ZNF585A: variants seen among roughly 807,000 people sequenced by gnomAD.
ZNF585A encodes the protein zinc finger protein 585A.
A neutral mutation model predicts 14.9 loss-of-function variants in ZNF585A; 9 were observed. The ratio of observed to expected loss-of-function variants is 0.60; its 90% CI spans 0.36 to 1.05. ZNF585A has a LOEUF of 1.05. Ranked by LOEUF, ZNF585A falls within the 50% of genes least tolerant of loss-of-function variation. The pLI is 0.01. For synonymous variants in ZNF585A, 276 were observed against 319.9 expected, an observed-to-expected ratio of 0.86 and a Z score of 1.46; for missense variants, 726 against 926.4, an observed-to-expected ratio of 0.78 and a Z score of 2.81.
In ZNF585A at chr19:37,152,432, T is replaced by C; in HGVS notation, c.1467A>G (p.Thr489=). 6.2e-7 allele frequency: 1 copy of C among 1,614,016 alleles called. No homozygotes were observed. The highest frequency in any genetic ancestry group is 8.5e-7 in the Non-Finnish European group (1 of 1,179,990). Reference sequence around the variant, plus strand: ...TGGAACATATATAAGATTTCTCTCCTGTATGAGTTTTCTGATGTGTAATGA... The same window carrying C: ...TGGAACATATATAAGATTTCTCTCCCGTATGAGTTTTCTGATGTGTAATGA... ...SNLITHQKTH[T]GEKSYICSKC... Residue 489 remains threonine, a synonymous_variant, in exon 5 of 5, where the codon ACA becomes ACG. Coordinates refer to ENST00000292841, the MANE Select transcript of ZNF585A (RefSeq NM_001288800.2).
intron 2 of ZNF585A, chr19:37,165,547 G>A: frequency 1.8e-5 from 13 of 718,460 alleles, no homozygotes; most frequent in Non-Finnish European, 2.2e-5. Flanking sequence ...TTTGGAGTGG[G>A]TTGCTGAGAA....
rs1466919927 is a variant in ZNF585A, at chr19:37,152,684, T to C, written c.1215A>G (p.Thr405=). 3 of 1,613,902 alleles carry C rather than the reference T, an allele frequency of 1.9e-6. No homozygotes were observed. The highest frequency in any genetic ancestry group is 2.5e-6 in the Non-Finnish European group (3 of 1,179,900). Residue 405 remains threonine (T), a synonymous_variant, in exon 5 of 5, where the codon ACA becomes ACG. Coordinates refer to ENST00000292841, the MANE Select transcript of ZNF585A (RefSeq NM_001288800.2). ...SALTVHQRIH[T]GEKSYICMKC... is the part of the protein sequence containing the mutation. ...TCATGCATATATACGATTTTTCTCC[T>C]GTATGAATTCTCTGATGCACTGTGA...
At chr19:37,164,789 A>G (rs893436626) in intron 2 of ZNF585A, among the ~76,000 whole-genome samples, 3 of 152,026 alleles carry the variant, frequency 2.0e-5, no homozygotes, top group African/African-American at 7.2e-5. Flanking sequence ...CTCCAATCTC[A>G]GCCTCCCAAG....
At position 37,149,458 on chromosome 19, in the gene ZNF585A, T is replaced by C. The variant is rs1195229679; in HGVS notation, c.*2131A>G. On this transcript the variant is annotated 3_prime_UTR_variant, in exon 5 of 5. Transcript: ENST00000292841. ...TGTTTCCCTTCATGAGGCTTGGGCA[T>C]ACAGAGGATAGTCAGATGCTTATGT... 4 of 152,216 alleles carry C rather than the reference T, an allele frequency of 2.6e-5. No homozygotes were observed. Among genetic ancestry groups the C allele is most frequent in the African/African-American group, 9.6e-5 (4 of 41,454 alleles). The allele number at this position is 152,216 out of a possible 1,614,324, so 9.4% of individuals were successfully genotyped here.
intron 4 of ZNF585A, among the ~76,000 whole-genome samples, chr19:37,155,208 C>T (rs112028286): frequency 0.11 from 16,060 of 151,236 alleles, 1,554 homozygotes; most frequent in African/African-American, 0.26. Flanking sequence ...CACCGTGGTC[C>T]CGATCTCCTG....
Position 37,151,041 on chromosome 19 carries a change from G to A in ZNF585A, c.*548C>T, listed in dbSNP as rs1168690968. The A allele has an allele frequency of 4.1e-6, 1 of 244,436 alleles. No individual in the cohort carries two copies. Among genetic ancestry groups the A allele is most frequent in the South Asian group, 1.8e-4 (1 of 5,664 alleles). 15.1% of individuals were successfully genotyped at this position (244,436 alleles called of 1,614,324 possible). A position where few individuals can be genotyped will look rare whatever the true frequency, so the allele number is the denominator to read the frequency against. ...AAGGTTTTTTCTTTTTTTTTTTGTA[G>A]CATCTCTTTCTTGATAGAAATACTG... is the stretch of plus-strand genomic sequence containing the variant. On this transcript the variant is annotated 3_prime_UTR_variant, in exon 5 of 5. Coordinates refer to ENST00000292841, the MANE Select transcript of ZNF585A (RefSeq NM_001288800.2).
At chr19:37,153,880 C>A (rs9676697) in intron 4 of ZNF585A, among the ~76,000 whole-genome samples, 3,701 of 152,192 alleles carry the variant, frequency 0.024, 87 homozygotes, top group African/African-American at 0.062. Flanking sequence ...TTTATTTTCT[C>A]TGCTGATAGC....
chr19:37,145,558 A>G lies in ZNF585A; in HGVS notation c.*6031T>C, dbSNP rs1971732451. 1 of 152,238 alleles carries G rather than the reference A, an allele frequency of 6.6e-6. No homozygotes were observed. The highest frequency in any genetic ancestry group is 2.1e-4 in the South Asian group (1 of 4,834). 9.4% of individuals were successfully genotyped at this position (152,238 alleles called of 1,614,324 possible). On this transcript the variant is annotated 3_prime_UTR_variant, in exon 5 of 5. Coordinates refer to ENST00000292841, the MANE Select transcript of ZNF585A (RefSeq NM_001288800.2). ...CCATGGGTTTTCAGGATTGGCATTT[A>G]TTATAGGCACAAACTTAATATAACT...
chr19:37,160,178 C>T (rs1406754844), intron 2 of ZNF585A, among the ~76,000 whole-genome samples: 1 of 151,436 alleles, frequency 6.6e-6, no homozygotes, highest in African/African-American at 2.4e-5. Context: ...ATCAATAATA[C>T]AAAAATTAGC....
intron 2 of ZNF585A, among the ~76,000 whole-genome samples, chr19:37,161,285 C>A (rs1041041686): frequency 7.2e-5 from 11 of 152,078 alleles, no homozygotes; most frequent in Non-Finnish European, 1.0e-4. Flanking sequence ...GAATCACGTA[C>A]CACAATAAAC....
chr19:37,151,692 T>G lies in ZNF585A; in HGVS notation c.2207A>C (p.His736Pro), dbSNP rs1459032869. The part of the protein sequence containing the change: ...AFTDRSNLNK[H>P]QTTHTGDKPY... ...TTTGTCTCCAGTGTGTGTTGTCTGA[T>G]GTTTATTCAAATTGGACCTGTCAGT... The change falls in exon 5 of 5, where the codon CAT (histidine) becomes CCT (proline). Residue 736 changes from histidine (H) to proline (P), a missense_variant. Transcript: ENST00000292841. 6.2e-7 allele frequency: 1 copy of G among 1,614,236 alleles called. No individual in the cohort carries two copies. Among genetic ancestry groups the G allele is most frequent in the South Asian group, 1.1e-5 (1 of 91,086 alleles).
At chr19:37,164,657 C>T (rs1972060308) in intron 2 of ZNF585A, among the ~76,000 whole-genome samples, 1 of 152,136 alleles carries the variant, frequency 6.6e-6, no homozygotes, top group Admixed American at 6.5e-5. Flanking sequence ...TTCTCCAATG[C>T]TGCAATCCTA....
At chr19:37,166,632 G>A (rs1972095140) in intron 2 of ZNF585A, among the ~76,000 whole-genome samples, 1 of 151,448 alleles carries the variant, frequency 6.6e-6, no homozygotes. Flanking sequence ...TGATTATGTA[G>A]ATATTTACTC....
At position 37,152,367 on chromosome 19, in the gene ZNF585A, G is replaced by A. The variant is rs1324396558; in HGVS notation, c.1532C>T (p.Thr511Ile). ...CTCCCCAGTATGGATTCTCTGATGTGTAATCAAGTCTGACCTCTGGGTGAA... is the reference window on the plus strand; with the variant it reads ...CTCCCCAGTATGGATTCTCTGATGTATAATCAAGTCTGACCTCTGGGTGAA... The part of the protein sequence containing the change: ...KAFTQRSDLI[T>I]HQRIHTGEKP... Residue 511 changes from threonine to isoleucine, a missense_variant, in exon 5 of 5, where the codon ACA becomes ATA. By Grantham distance (89) the Thr-to-Ile change is moderately conservative. Around this residue, in one of 2 missense-constraint regions of ZNF585A, gnomAD observed 243 missense variants for 383.6 expected, o/e 0.63. Coordinates refer to ENST00000292841, the MANE Select transcript of ZNF585A (RefSeq NM_001288800.2). 2 of 1,613,828 alleles carry A rather than the reference G, an allele frequency of 1.2e-6. No homozygotes were observed. Among genetic ancestry groups the A allele is most frequent in the Admixed American group, 3.3e-5 (2 of 59,982 alleles).
chr19:37,169,794 A>G (rs773900907), intron 2 of ZNF585A, 45 bp downstream of exon 2: 7 of 1,602,330 alleles, frequency 4.4e-6, no homozygotes. Context: ...AGAGATACCT[A>G]GTCCTGGATT....
In ZNF585A at chr19:37,163,734, A is replaced by G. The variant is rs547317781; in HGVS notation, c.72+6105T>C. Reference sequence around the variant, plus strand: ...TTAGTTCAAGAAGTTAACATCATAAAGATGACACACACACACACACACACA... The same window carrying G: ...TTAGTTCAAGAAGTTAACATCATAAGGATGACACACACACACACACACACA... On this transcript the variant is annotated intron_variant, in intron 2 of 4. Coordinates refer to ENST00000292841, the MANE Select transcript of ZNF585A (RefSeq NM_001288800.2). 4.1e-5 allele frequency among the ~76,000 whole-genome samples: 6 copies of G among 144,626 alleles called. No homozygotes were observed. In the South Asian group the frequency reaches 1.3e-3, roughly 32 times the overall value. 94.9% of individuals were successfully genotyped at this position (144,626 alleles called of 152,430 possible).
intron 2 of ZNF585A, among the ~76,000 whole-genome samples, chr19:37,163,905 A>C (rs112440167): frequency 0.022 from 3,364 of 152,274 alleles, 128 homozygotes; most frequent in African/African-American, 0.077. Context: ...CACACACACA[A>C]AAAAGCACAA....
In ZNF585A at chr19:37,155,866, T is replaced by C; in HGVS notation, c.291A>G (p.Pro97=). Residue 97 remains proline (P), a splice_region_variant and synonymous_variant, in exon 4 of 5, where the codon CCA becomes CCG. Transcript: ENST00000292841. ...CGGATTCACACTCGCTTCACTCACC[T>C]GGGCAGCTCTGACGTGGCCTCTCAC... The part of the protein sequence containing the change: ...LQGERPRQSC[P]GEKLWDHNQC... The C allele has an allele frequency of 6.2e-7, 1 of 1,612,258 alleles. No homozygotes were observed. Among genetic ancestry groups the C allele is most frequent in the Non-Finnish European group, 8.5e-7 (1 of 1,179,996 alleles).
chr19:37,153,157 C>G lies in ZNF585A; in HGVS notation c.742G>C (p.Gly248Arg). 1.2e-6 allele frequency: 2 copies of G among 1,614,084 alleles called. No homozygotes were observed. The highest frequency in any genetic ancestry group is 1.7e-6 in the Non-Finnish European group (2 of 1,180,008). ...GTGGACTTTTGTGTGAATGCTTTGC[C>G]ACAGTCAGTGCATTCATGGTGTCTC... ...GERHHECTDC[G>R]KAFTQKSTLK... The change falls in exon 5 of 5, where the codon GGC becomes CGC. Residue 248 changes from glycine (G) to arginine (R), a missense_variant. By Grantham distance (125) the Gly-to-Arg change is moderately radical (BLOSUM62 -2). Transcript: ENST00000292841.
Sources: gnomAD v4.1 joint callset for allele counts (sites outside exome capture counted in the v4.1 genomes callset) on GRCh38, gnomAD v4.1.1 for gene constraint, gnomAD v4.1.1 regional missense constraint, MANE v1.5 for transcripts, NCBI Gene and HGNC (gene_info 2026-07-23, HGNC 2026-07-21) for gene names.